Variants in PCNX1 observed in about 807,000 individuals in gnomAD.
PCNX1 encodes the protein pecanex-like protein 1.
In PCNX1, 78 loss-of-function variants were observed where a neutral mutation model predicts 242.2. The observed-to-expected ratio is 0.32, with a 90% CI of 0.27 to 0.39. The LOEUF (loss-of-function observed/expected upper bound fraction) is 0.39. Ranked by LOEUF, PCNX1 falls within the 10% of genes least tolerant of loss-of-function variation. The pLI, the probability that PCNX1 is intolerant of heterozygous loss-of-function variation, is 1.00. For synonymous variants in PCNX1, 1,024 were observed against 1,032.9 expected (o/e 0.99, Z 0.17); for missense variants, 2,581 against 2,856.5 (o/e 0.90, Z 2.20).
At position 71,102,099 on chromosome 14, in the gene PCNX1, G is replaced by A. The variant is rs757392003; in HGVS notation, c.5699G>A (p.Arg1900Gln). 17 of 1,613,522 alleles carry A rather than the reference G, an allele frequency of 1.1e-5. No homozygotes were observed. Among genetic ancestry groups the A allele is most frequent in the South Asian group, 2.2e-5 (2 of 91,074 alleles). ...GCCCATGAAGGGGACCCTGCATGGC[G>A]GAGTGCAGTACTTGCCAACTCTCCC... ...VIAHEGDPAWRSAVLANSPSL... is the reference protein window; with the variant it reads ...VIAHEGDPAWQSAVLANSPSL... Residue 1900 changes from arginine (R) to glutamine (Q), a missense_variant, in exon 31 of 36, where the codon CGG becomes CAG. Around this residue, in one of 9 missense-constraint regions of PCNX1, gnomAD observed 298 missense variants for 480.1 expected, o/e 0.62. Transcript: ENST00000304743.
In PCNX1 at chr14:71,028,690, T is replaced by C; in HGVS notation, c.3467-10T>C. ...TAAAATGTTTCTTACCTTTTCCTTT[T>C]CCTGTCTAGCCACTACAAGCCTGCT... On this transcript the variant is annotated splice_polypyrimidine_tract_variant and intron_variant, in intron 15 of 35. Transcript: ENST00000304743. The C allele has an allele frequency of 6.5e-7, 1 of 1,549,212 alleles. No individual in the cohort carries two copies. The highest frequency in any genetic ancestry group is 8.8e-7 in the Non-Finnish European group (1 of 1,135,910).
At chr14:70,908,103 G>A (rs1025749751) in intron 1 of PCNX1, 100 bp downstream of exon 1, 1 of 1,147,578 alleles carries the variant, frequency 8.7e-7, no homozygotes, top group Non-Finnish European at 1.2e-6. Context: ...CTCGTCCCCC[G>A]GGGGCCGCCA....
intron 7 of PCNX1, among the ~76,000 whole-genome samples, chr14:70,990,258 TA>T (rs199782904): frequency 7.3e-5 from 11 of 151,008 alleles, no homozygotes; most frequent in African/African-American, 9.7e-5. Context: ...TCTTTTAAAT[TA>T]AAAAAAAATA....
At chr14:70,981,307 GT>G (rs1237801576) in intron 6 of PCNX1, among the ~76,000 whole-genome samples, 1 of 152,172 alleles carries the variant, frequency 6.6e-6, no homozygotes, top group Non-Finnish European at 1.5e-5. Flanking sequence ...TAAAATTAAA[GT>G]AGAAGAAAGT....
At chr14:71,071,262 T>C (rs1488595033) in intron 26 of PCNX1, among the ~76,000 whole-genome samples, 1 of 152,212 alleles carries the variant, frequency 6.6e-6, no homozygotes, top group Admixed American at 6.5e-5. Flanking sequence ...GCTTTTTTGC[T>C]TTCTTATCTT....
At chr14:71,028,669 A>G (rs2060301139) in intron 15 of PCNX1, 31 bp from the exon 16 acceptor site, 1 of 1,281,312 alleles carries the variant, frequency 7.8e-7, no homozygotes, top group Non-Finnish European at 1.1e-6. Context: ...TTTTTATAAA[A>G]TGTTTCTTAC....
At chr14:70,987,666 G>A (rs1411158420) in intron 6 of PCNX1, among the ~76,000 whole-genome samples, 3 of 152,082 alleles carry the variant, frequency 2.0e-5, no homozygotes, top group African/African-American at 7.2e-5. Flanking sequence ...ATATTTAAAT[G>A]GATGAAAATC....
At chr14:71,026,002 C>T (rs1842981960) in intron 13 of PCNX1, 115 bp from the exon 14 acceptor site, 1 of 521,308 alleles carries the variant, frequency 1.9e-6, no homozygotes, top group Non-Finnish European at 3.3e-6. Context: ...TGTCAGAAAT[C>T]TGGCTTCCAT....
intron 1 of PCNX1, among the ~76,000 whole-genome samples, chr14:70,936,992 C>A (rs1177470181): frequency 6.6e-6 from 1 of 151,986 alleles, no homozygotes; most frequent in Non-Finnish European, 1.5e-5. Flanking sequence ...TGATTGTTTT[C>A]TTGTAAATTT....
At chr14:71,034,533 G>T (rs116524107) in intron 18 of PCNX1, among the ~76,000 whole-genome samples, 1 of 152,076 alleles carries the variant, frequency 6.6e-6, no homozygotes, top group African/African-American at 2.4e-5. Flanking sequence ...TTAAGTAAAC[G>T]CAGTAATTTT....
chr14:70,968,212 C>T lies in PCNX1; in HGVS notation c.483C>T (p.Ser161=). The T allele has an allele frequency of 6.2e-7, 1 of 1,612,900 alleles. No individual in the cohort carries two copies. Residue 161 remains serine (S), a synonymous_variant, in exon 4 of 36, where the codon TCC becomes TCT. Coordinates refer to ENST00000304743, the MANE Select transcript of PCNX1 (RefSeq NM_014982.3). The stretch of plus-strand genomic sequence containing the variant: ...CACGTTTTCAGATTGGATCTGGTTC[C>T]TCGCGTCTTGGAACAGCAGCAACTA... ...LDPSNQIGSG[S]SRLGTAATIK...
rs752523832 is a variant in PCNX1, at chr14:71,019,005, G to T, written c.2997-4G>T. ...TACTTACCCATAAGTTTTTCTGTCCGTAGAAATCGTGAGATCCTGGAAAAT... is the reference window on the plus strand; with the variant it reads ...TACTTACCCATAAGTTTTTCTGTCCTTAGAAATCGTGAGATCCTGGAAAAT... On this transcript the variant is annotated splice_polypyrimidine_tract_variant and splice_region_variant and intron_variant, in intron 11 of 35. Coordinates refer to ENST00000304743, the MANE Select transcript of PCNX1 (RefSeq NM_014982.3). 7 of 1,605,750 alleles carry T rather than the reference G, an allele frequency of 4.4e-6. No individual in the cohort carries two copies. Among genetic ancestry groups the T allele is most frequent in the African/African-American group, 1.3e-5 (1 of 74,354 alleles).
intron 1 of PCNX1, among the ~76,000 whole-genome samples, chr14:70,919,546 A>G (rs1358007810): frequency 6.6e-6 from 1 of 152,130 alleles, no homozygotes; most frequent in Non-Finnish European, 1.5e-5. Context: ...GCACAGACTA[A>G]TAATATGGAG....
chr14:70,996,448 C>T (rs1003150982), intron 8 of PCNX1, among the ~76,000 whole-genome samples: 15 of 152,112 alleles, frequency 9.9e-5, no homozygotes, highest in Non-Finnish European at 1.3e-4. Flanking sequence ...ACTAATGTCA[C>T]ATAATAACTT....
chr14:70,940,371 C>G (rs1594957711), intron 1 of PCNX1, among the ~76,000 whole-genome samples: 2 of 152,284 alleles, frequency 1.3e-5, no homozygotes, highest in South Asian at 4.1e-4. Flanking sequence ...GATTTTATTT[C>G]TCCTTCACAT....
chr14:70,976,633 A>T (rs549700028), intron 5 of PCNX1, among the ~76,000 whole-genome samples: 2 of 152,200 alleles, frequency 1.3e-5, no homozygotes, highest in East Asian at 3.9e-4. Flanking sequence ...TTGGCCTCCC[A>T]AAGTGCTGGG....
At chr14:70,926,882 C>G (rs1189882853) in intron 1 of PCNX1, among the ~76,000 whole-genome samples, 1 of 152,086 alleles carries the variant, frequency 6.6e-6, no homozygotes, top group Non-Finnish European at 1.5e-5. Context: ...GAAAAGGCTA[C>G]TTAGGAGGAC....
chr14:71,039,523 C>G (rs1336769276), intron 19 of PCNX1, among the ~76,000 whole-genome samples: 3 of 152,168 alleles, frequency 2.0e-5, no homozygotes, highest in Admixed American at 6.6e-5. Context: ...GAGCTGTACT[C>G]TTTTATAACC....
At chr14:70,996,234 CT>C (rs200336210) in intron 8 of PCNX1, among the ~76,000 whole-genome samples, 1 of 151,758 alleles carries the variant, frequency 6.6e-6, no homozygotes. Flanking sequence ...AAAACGTTGA[CT>C]TTTTTAAAAA....
Sources: gnomAD v4.1 joint callset for allele counts (sites outside exome capture counted in the v4.1 genomes callset) on GRCh38, gnomAD v4.1.1 for gene constraint, gnomAD v4.1.1 regional missense constraint, MANE v1.5 for transcripts, NCBI Gene and HGNC (gene_info 2026-07-23, HGNC 2026-07-21) for gene names.